The following CSMD1 variants were observed in gnomAD, a reference collection of about 807,000 sequenced individuals.
CSMD1 encodes CUB and sushi domain-containing protein 1.
A neutral mutation model predicts 417.5 loss-of-function variants in CSMD1; 213 were observed. The observed-to-expected ratio is 0.51, with a 90% CI of 0.46 to 0.57. The LOEUF (loss-of-function observed/expected upper bound fraction) is 0.57. Among genes scored for constraint, CSMD1 ranks in the 20% least tolerant of loss-of-function variants. CSMD1 has a pLI of 0.00. For synonymous variants in CSMD1, 2,862 were observed against 1,736.8 expected, an observed-to-expected ratio of 1.65 and a Z score of -16.11; for missense variants, 6,923 against 4,529.7, an observed-to-expected ratio of 1.53 and a Z score of -15.17.
chr8:4,620,362 C>CA (rs1801704826), intron 2 of CSMD1, among the ~76,000 whole-genome samples: 1 of 151,470 alleles, frequency 6.6e-6, no homozygotes, highest in Non-Finnish European at 1.5e-5. Flanking sequence ...ACATAGACAT[C>CA]AATATTTCCA....
At chr8:4,183,966 G>A (rs1798522509) in intron 3 of CSMD1, among the ~76,000 whole-genome samples, 2 of 152,122 alleles carry the variant, frequency 1.3e-5, no homozygotes, top group African/African-American at 4.8e-5. Context: ...GAACACAGAA[G>A]GAAAATTCTC....
intron 1 of CSMD1, among the ~76,000 whole-genome samples, chr8:4,676,172 G>C (rs888271359): frequency 6.6e-6 from 1 of 152,088 alleles, no homozygotes; most frequent in Admixed American, 6.5e-5. Context: ...ATATTATCAA[G>C]GTCATAGACC....
chr8:2,974,709 C>T (rs1585078406), intron 55 of CSMD1, 85 bp from the exon 56 acceptor site: 2 of 942,118 alleles, frequency 2.1e-6, no homozygotes, highest in Non-Finnish European at 3.0e-6. Flanking sequence ...GACACCCATA[C>T]TGACATCATG....
chr8:3,813,587 A>T (rs1162277791), intron 5 of CSMD1, among the ~76,000 whole-genome samples: 1 of 152,196 alleles, frequency 6.6e-6, no homozygotes, highest in African/African-American at 2.4e-5. Context: ...AAGAATTTTA[A>T]GATATTTTAA....
chr8:4,596,191 G>A (rs186297690), intron 2 of CSMD1, among the ~76,000 whole-genome samples: 1 of 152,126 alleles, frequency 6.6e-6, no homozygotes, highest in South Asian at 2.1e-4. Context: ...CTGACATCAA[G>A]TAAGTTTGGT....
chr8:4,121,365 T>C (rs546083437), intron 3 of CSMD1, among the ~76,000 whole-genome samples: 10 of 152,300 alleles, frequency 6.6e-5, no homozygotes, highest in Admixed American at 2.6e-4. Flanking sequence ...TCCACCCACC[T>C]TGGCCTCCCA....
intron 3 of CSMD1, among the ~76,000 whole-genome samples, chr8:4,162,544 T>C (rs1797234079): frequency 6.6e-6 from 1 of 152,162 alleles, no homozygotes; most frequent in Non-Finnish European, 1.5e-5. Context: ...ATATTTTTAA[T>C]TTATTTTACC....
intron 2 of CSMD1, among the ~76,000 whole-genome samples, chr8:4,614,218 A>G (rs979225740): frequency 6.6e-6 from 1 of 152,238 alleles, no homozygotes; most frequent in African/African-American, 2.4e-5. Context: ...CCAGCAAAGC[A>G]AACTGCATAT....
rs111349259 is a variant in CSMD1 at position 4,468,195 on chromosome 8, T to G, written c.303-48130A>C. Among the ~76,000 whole-genome samples, 1,383 of 152,208 alleles carry G rather than the reference T, an allele frequency of 9.1e-3. 13 individuals carry two copies. The highest frequency in any genetic ancestry group is 0.015 in the Non-Finnish European group (1,045 of 67,996). The stretch of plus-strand genomic sequence containing the variant: ...ACAGCACTTGTCACGCTGTGTAAGT[T>G]GAGAAAGCAGCAGTGCCTGGGGCAT... On this transcript the variant is annotated intron_variant, in intron 2 of 69. Coordinates refer to ENST00000635120, the MANE Select transcript of CSMD1 (RefSeq NM_033225.6).
chr8:3,245,812 T>C (rs1252209877), intron 26 of CSMD1, among the ~76,000 whole-genome samples: 2 of 152,240 alleles, frequency 1.3e-5, no homozygotes, highest in Non-Finnish European at 2.9e-5. Flanking sequence ...GACTAGTTAC[T>C]GTTTATCTTG....
At chr8:3,793,171 T>C (rs1480226557) in intron 5 of CSMD1, among the ~76,000 whole-genome samples, 1 of 152,186 alleles carries the variant, frequency 6.6e-6, no homozygotes, top group African/African-American at 2.4e-5. Context: ...GAGGGGCTGA[T>C]GGATTTTGGC....
intron 7 of CSMD1, among the ~76,000 whole-genome samples, chr8:3,675,967 G>T (rs549186910): frequency 7.2e-5 from 11 of 152,246 alleles, no homozygotes; most frequent in African/African-American, 2.6e-4. Context: ...GCCCAGGCCT[G>T]CCATCTTCCC....
intron 23 of CSMD1, among the ~76,000 whole-genome samples, chr8:3,310,984 G>C (rs932161030): frequency 6.6e-6 from 1 of 152,188 alleles, no homozygotes; most frequent in Non-Finnish European, 1.5e-5. Flanking sequence ...CCTGGACTAA[G>C]AAGTGGTCAA....
At chr8:4,162,301 C>T (rs943450209) in intron 3 of CSMD1, among the ~76,000 whole-genome samples, 5 of 152,136 alleles carry the variant, frequency 3.3e-5, no homozygotes, top group Non-Finnish European at 7.3e-5. Context: ...AAAGAAAACT[C>T]AGCAAAGTTT....
intron 23 of CSMD1, among the ~76,000 whole-genome samples, chr8:3,327,841 T>A (rs1353353502): frequency 6.6e-6 from 1 of 152,190 alleles, no homozygotes; most frequent in Admixed American, 6.5e-5. Flanking sequence ...TCATTTCTCT[T>A]CACCTGCATA....
At chr8:3,394,234 T>A (rs1026947783) in intron 17 of CSMD1, among the ~76,000 whole-genome samples, 1 of 146,788 alleles carries the variant, frequency 6.8e-6, no homozygotes, top group South Asian at 2.1e-4. Context: ...ACTTACATAT[T>A]AAATTATTAT....
chr8:3,518,997 C>G (rs990197887), intron 10 of CSMD1, among the ~76,000 whole-genome samples: 2 of 152,150 alleles, frequency 1.3e-5, no homozygotes, highest in Admixed American at 6.6e-5. Flanking sequence ...TATAAATGAT[C>G]TGTTTTTAAA....
intron 3 of CSMD1, among the ~76,000 whole-genome samples, chr8:4,328,297 C>T (rs1315597205): frequency 6.8e-6 from 1 of 147,958 alleles, no homozygotes; most frequent in Non-Finnish European, 1.5e-5. Context: ...TGTGAATTAC[C>T]ACTTCCCCAC....
chr8:4,411,331 G>A (rs1013345600), intron 3 of CSMD1, among the ~76,000 whole-genome samples: 5 of 151,816 alleles, frequency 3.3e-5, no homozygotes, highest in East Asian at 1.9e-4. Flanking sequence ...TTCTGTGAGT[G>A]GATTTCTATC....
Sources: allele counts gnomAD v4.1 joint callset (sites outside exome capture counted in the v4.1 genomes callset), GRCh38; gene constraint gnomAD v4.1.1; transcripts MANE v1.5; gene names NCBI Gene and HGNC (gene_info 2026-07-23, HGNC 2026-07-21).